The following DNAJC22 variants were observed in gnomAD, a reference collection of about 807,000 sequenced individuals.
The protein encoded by DNAJC22 is DnaJ heat shock protein family (Hsp40) member C22.
Under a neutral mutation model 22.2 loss-of-function variants are expected in DNAJC22, and 24 were observed. The observed-to-expected ratio is 1.08, with a 90% CI of 0.78 to 1.52. The LOEUF (loss-of-function observed/expected upper bound fraction) is 1.52. Among genes scored for constraint, DNAJC22 ranks in the 40% most tolerant of loss-of-function variants. The pLI, the probability that DNAJC22 is intolerant of heterozygous loss-of-function variation, is 0.00. For synonymous variants in DNAJC22, 160 were observed against 167.4 expected (o/e 0.96, Z 0.34); for missense variants, 434 against 421.7 (o/e 1.03, Z -0.26).
Position 49,349,212 on chromosome 12 carries a change from GT to G in DNAJC22, c.342del (p.Gly115AlafsTer2). 1 of 1,614,174 alleles carries G rather than the reference GT, an allele frequency of 6.2e-7. No individual in the cohort carries two copies. Among genetic ancestry groups the G allele is most frequent in the Non-Finnish European group, 8.5e-7 (1 of 1,180,020 alleles). ...NFYIVALPLA[V>X]GLGVLLVAAV... ...CTATATTGTGGCCCTCCCACTGGCA[GT>G]TGGCTTAGGGGTCTTGCTGGTGGCT... is the stretch of plus-strand genomic sequence containing the variant. On this transcript the variant is annotated frameshift_variant, in exon 3 of 4. Transcript: ENST00000549441. LOFTEE classifies it high-confidence loss of function.
rs1404645356 is a variant in DNAJC22 at position 49,351,605 on chromosome 12, CTGCT to C, written c.*107_*110del. On this transcript the variant is annotated 3_prime_UTR_variant, in exon 4 of 4. Transcript: ENST00000549441. ...TGGCATCCCAACAGAGTTAAAGAAA[CTGCT>C]TGCAGGGGCTGGGCGTGGTGGCTCA... 3.8e-6 allele frequency: 5 copies of C among 1,302,370 alleles called. No homozygotes were observed. Among genetic ancestry groups the C allele is most frequent in the Non-Finnish European group, 4.1e-6 (4 of 982,492 alleles). 80.7% of individuals were successfully genotyped at this position (1,302,370 alleles called of 1,614,324 possible).
At position 49,351,908 on chromosome 12, in the gene DNAJC22, A is replaced by C. The variant is rs1943790645; in HGVS notation, c.*406A>C. 1 of 152,054 alleles carries C rather than the reference A, an allele frequency of 6.6e-6. No individual in the cohort carries two copies. Among genetic ancestry groups the C allele is most frequent in the African/African-American group, 2.4e-5 (1 of 41,158 alleles). The allele number at this position is 152,054 out of a possible 1,614,324, so 9.4% of individuals were successfully genotyped here. On this transcript the variant is annotated 3_prime_UTR_variant, in exon 4 of 4. Transcript: ENST00000549441. ...AGAGTGAAACTCCGTCTCAAAAAAA[A>C]AAAAAAGAAAGAAAAACTGCTTGCA...
At chr12:49,350,497 T>C (rs1162118225) in intron 3 of DNAJC22, among the ~76,000 whole-genome samples, 1 of 145,332 alleles carries the variant, frequency 6.9e-6, no homozygotes. Context: ...CTTGATTCTT[T>C]TTTTTTTTTT....
chr12:49,349,717 G>A lies in DNAJC22; in HGVS notation c.840+5G>A. 6.2e-7 allele frequency: 1 copy of A among 1,614,162 alleles called. No homozygotes were observed. The highest frequency in any genetic ancestry group is 8.5e-7 in the Non-Finnish European group (1 of 1,180,042). On this transcript the variant is annotated splice_donor_5th_base_variant and intron_variant, in intron 3 of 3. Coordinates refer to ENST00000549441, the MANE Select transcript of DNAJC22 (RefSeq NM_001304944.2). ...AAGCGTCAGCTGGCTTACCAGGTAA[G>A]GCTTTCTTCCCTCAGTCCTGTCCGG...
rs200493159 is a variant in DNAJC22, at chr12:49,348,843, G to A, written c.-30G>A. ...CGAGACTTCTGTGCTGCGAGTAACCGGACTTGTTCTGAGACCTTTGCCCTA... is the reference window on the plus strand; with the variant it reads ...CGAGACTTCTGTGCTGCGAGTAACCAGACTTGTTCTGAGACCTTTGCCCTA... On this transcript the variant is annotated 5_prime_UTR_variant, in exon 3 of 4. Transcript: ENST00000549441. 52 of 1,454,708 alleles carry A rather than the reference G, an allele frequency of 3.6e-5. No homozygotes were observed. Among genetic ancestry groups the A allele is most frequent in the African/African-American group, 5.7e-5 (4 of 70,044 alleles). The allele number at this position is 1,454,708 out of a possible 1,614,324, so 90.1% of individuals were successfully genotyped here. A position where few individuals can be genotyped will look rare whatever the true frequency, so the allele number is the denominator to read the frequency against.
Position 49,349,299 on chromosome 12 carries a change from C to T in DNAJC22, c.427C>T (p.Pro143Ser). 2 of 1,614,094 alleles carry T rather than the reference C, an allele frequency of 1.2e-6. No individual in the cohort carries two copies. The highest frequency in any genetic ancestry group is 1.1e-5 in the South Asian group (1 of 91,082). ...NTLGSAFLTSPIFYGRPIAIL... is the reference protein window; with the variant it reads ...NTLGSAFLTSSIFYGRPIAIL... ...TCTGGGGTCAGCATTTCTCACTTCA[C>T]CTATCTTCTATGGCCGCCCCATAGC... The change falls in exon 3 of 4, where the codon CCT becomes TCT. Residue 143 changes from proline to serine, a missense_variant. Physicochemically the swap from Pro to Ser is moderately conservative, Grantham distance 74 (BLOSUM62 -1). Coordinates refer to ENST00000549441, the MANE Select transcript of DNAJC22 (RefSeq NM_001304944.2).
chr12:49,351,432 A>G lies in DNAJC22; in HGVS notation c.956A>G (p.His319Arg), dbSNP rs1256090806. 3 of 1,606,684 alleles carry G rather than the reference A, an allele frequency of 1.9e-6. No homozygotes were observed. Among genetic ancestry groups the G allele is most frequent in the Admixed American group, 3.4e-5 (2 of 58,536 alleles). Residue 319 changes from histidine to arginine, a missense_variant, in exon 4 of 4, where the codon CAC becomes CGC. Transcript: ENST00000549441. Reference protein sequence around the residue: ...NLDQTEEAQRHFLEIQAAYEV... With the variant: ...NLDQTEEAQRRFLEIQAAYEV... ...GACCAGACAGAGGAGGCACAGAGGC[A>G]CTTCCTGGAGATCCAGGCTGCGTAT...
rs1310303606 is a variant in DNAJC22, at chr12:49,349,104, C to T, written c.232C>T (p.Pro78Ser). 6.2e-7 allele frequency: 1 copy of T among 1,614,148 alleles called. No individual in the cohort carries two copies. The highest frequency in any genetic ancestry group is 8.5e-7 in the Non-Finnish European group (1 of 1,180,022). Reference protein sequence around the residue: ...SPRGVTPPLSPIRFAAQVIVG... With the variant: ...SPRGVTPPLSSIRFAAQVIVG... ...CAGAGGGGTGACACCCCCTCTGAGT[C>T]CCATTCGCTTTGCTGCCCAGGTGAT... is the stretch of plus-strand genomic sequence containing the variant. The change falls in exon 3 of 4, where the codon CCC (proline) becomes TCC (serine). Residue 78 changes from proline (P) to serine (S), a missense_variant. Coordinates refer to ENST00000549441, the MANE Select transcript of DNAJC22 (RefSeq NM_001304944.2).
chr12:49,349,321 T>G lies in DNAJC22; in HGVS notation c.449T>G (p.Ile150Arg), dbSNP rs1943744883. The G allele has an allele frequency of 6.2e-7, 1 of 1,613,146 alleles. No homozygotes were observed. Among genetic ancestry groups the G allele is most frequent in the South Asian group, 1.1e-5 (1 of 90,944 alleles). Residue 150 changes from isoleucine to arginine, a missense_variant, in exon 3 of 4, where the codon ATA becomes AGA. By Grantham distance (97) the Ile-to-Arg change is moderately conservative. Coordinates refer to ENST00000549441, the MANE Select transcript of DNAJC22 (RefSeq NM_001304944.2). ...TCACCTATCTTCTATGGCCGCCCCATAGCCATACTGCCCATTAGCGTGGCC... is the reference window on the plus strand; with the variant it reads ...TCACCTATCTTCTATGGCCGCCCCAGAGCCATACTGCCCATTAGCGTGGCC... ...LTSPIFYGRPIAILPISVAAS... is the reference protein window; with the variant it reads ...LTSPIFYGRPRAILPISVAAS...
Position 49,351,409 on chromosome 12 carries a change from CCAGA to C in DNAJC22, c.938_941del (p.Thr313ArgfsTer17). Reference sequence around the variant, plus strand: ...TCTGGCACCCAGACCACAACCTGGACCAGACAGAGGAGGCACAGAGGCACTTCCT... The same window carrying C: ...TCTGGCACCCAGACCACAACCTGGACCAGAGGAGGCACAGAGGCACTTCCT... On this transcript the variant is annotated frameshift_variant, in exon 4 of 4. Coordinates refer to ENST00000549441, the MANE Select transcript of DNAJC22 (RefSeq NM_001304944.2). LOFTEE classifies it high-confidence loss of function. 1 of 1,612,460 alleles carries C rather than the reference CCAGA, an allele frequency of 6.2e-7. No individual in the cohort carries two copies. The highest frequency in any genetic ancestry group is 8.5e-7 in the Non-Finnish European group (1 of 1,179,258).
In DNAJC22 at chr12:49,351,481, GCCCTGGGGAT is replaced by G; in HGVS notation, c.1009_1018del (p.Trp337GlyfsTer11). The G allele has an allele frequency of 6.4e-7, 1 of 1,555,680 alleles. No homozygotes were observed. On this transcript the variant is annotated frameshift_variant, in exon 4 of 4. Coordinates refer to ENST00000549441, the MANE Select transcript of DNAJC22 (RefSeq NM_001304944.2). LOFTEE classifies it high-confidence loss of function. Reference sequence around the variant, plus strand: ...ATGAAGTCCTGAGTCAACCCAGGAAGCCCTGGGGATCCCGGAGGTGAAAAGAAACTTCCCC... The same window carrying G: ...ATGAAGTCCTGAGTCAACCCAGGAAGCCCGGAGGTGAAAAGAAACTTCCCC...
At position 49,347,704 on chromosome 12, in the gene DNAJC22, T is replaced by C. The variant is rs1425887793; in HGVS notation, c.-509T>C. The C allele has an allele frequency of 6.6e-6, 1 of 152,318 alleles. No individual in the cohort carries two copies. The highest frequency in any genetic ancestry group is 1.5e-5 in the Non-Finnish European group (1 of 68,086). 9.4% of individuals were successfully genotyped at this position (152,318 alleles called of 1,614,324 possible). On this transcript the variant is annotated 5_prime_UTR_variant, in exon 2 of 4. Transcript: ENST00000549441. ...CAGCCCCTCCATAGGGGCAGTCCTG[T>C]GCTGCTGTGCCTCGGTACCCGCACA...
At position 49,349,668 on chromosome 12, in the gene DNAJC22, T is replaced by A. The variant is rs1424266210; in HGVS notation, c.796T>A (p.Phe266Ile). The change falls in exon 3 of 4, where the codon TTT becomes ATT. Residue 266 changes from phenylalanine (F) to isoleucine (I), a missense_variant. Physicochemically the swap from Phe to Ile is conservative, Grantham distance 21 (BLOSUM62 0). Transcript: ENST00000549441. ...TCAGGAGTGGGCGAAGCTCTATGAG[T>A]TTGTTCACAGTTTTCAGGATGAGAA... ...CFQEWAKLYE[F>I]VHSFQDEKRQ... is the part of the protein sequence containing the mutation. The A allele has an allele frequency of 1.2e-6, 2 of 1,614,056 alleles. No individual in the cohort carries two copies. The highest frequency in any genetic ancestry group is 1.7e-5 in the Admixed American group (1 of 60,004).
rs1269284002 is a variant in DNAJC22, at chr12:49,351,664, G to A, written c.*162G>A. On this transcript the variant is annotated 3_prime_UTR_variant, in exon 4 of 4. Transcript: ENST00000549441. ...TGTAATCCCAGCACTTTGGGAGGCC[G>A]AGGCGGGCAGATCACGAGGTCAGGA... is the stretch of plus-strand genomic sequence containing the variant. 11 of 608,724 alleles carry A rather than the reference G, an allele frequency of 1.8e-5. No individual in the cohort carries two copies. The highest frequency in any genetic ancestry group is 4.0e-5 in the Admixed American group (1 of 24,936). 37.7% of individuals were successfully genotyped at this position (608,724 alleles called of 1,614,324 possible). A position where few individuals can be genotyped will look rare whatever the true frequency, so the allele number is the denominator to read the frequency against.
At chr12:49,351,224 A>T in intron 3 of DNAJC22, 93 bp from the exon 4 acceptor site, 1 of 1,585,798 alleles carries the variant, frequency 6.3e-7, no homozygotes, top group Non-Finnish European at 8.5e-7. Context: ...AATTCTAGAG[A>T]TATGATAGCC....
intron 3 of DNAJC22, chr12:49,351,078 T>G: frequency 2.1e-3 from 1,818 of 845,846 alleles, no homozygotes; most frequent in Middle Eastern, 2.4e-3. Flanking sequence ...GCTCTTGCCA[T>G]GAGATCTAGA....
Position 49,353,059 on chromosome 12 carries a change from G to A in DNAJC22, c.*1557G>A, listed in dbSNP as rs955227766. The A allele has an allele frequency of 2.6e-5, 4 of 152,182 alleles. No individual in the cohort carries two copies. The highest frequency in any genetic ancestry group is 9.7e-5 in the African/African-American group (4 of 41,434). 9.4% of individuals were successfully genotyped at this position (152,182 alleles called of 1,614,324 possible). On this transcript the variant is annotated 3_prime_UTR_variant, in exon 4 of 4. Coordinates refer to ENST00000549441, the MANE Select transcript of DNAJC22 (RefSeq NM_001304944.2). ...GGGACAGATAACATTGTTTTATGGGGACTCAGAAAGATTCATTATTTTATA... is the reference window on the plus strand; with the variant it reads ...GGGACAGATAACATTGTTTTATGGGAACTCAGAAAGATTCATTATTTTATA...
chr12:49,351,017 T>C (rs1943776898), intron 3 of DNAJC22: 1 of 274,356 alleles, frequency 3.6e-6, no homozygotes, highest in African/African-American at 2.3e-5. Context: ...GGAAGAGATC[T>C]TGCCAGGGAT....
At position 49,347,540 on chromosome 12, in the gene DNAJC22, G is replaced by T. The variant is rs1447211101; in HGVS notation, c.-581G>T. ...GTCAACGGAGCGTGAAGAGAGGAGC[G>T]TGCAGCTTGAGGTGAGGGAGGAGTC... On this transcript the variant is annotated 5_prime_UTR_variant, in exon 1 of 4. Transcript: ENST00000549441. The T allele has an allele frequency of 6.6e-6, 1 of 152,414 alleles. No homozygotes were observed. Among genetic ancestry groups the T allele is most frequent in the Non-Finnish European group, 1.5e-5 (1 of 68,146 alleles). 9.4% of individuals were successfully genotyped at this position (152,414 alleles called of 1,614,324 possible).
Sources: gnomAD v4.1 joint callset for allele counts (sites outside exome capture counted in the v4.1 genomes callset) on GRCh38, gnomAD v4.1.1 for gene constraint, MANE v1.5 for transcripts, NCBI Gene and HGNC (gene_info 2026-07-23, HGNC 2026-07-21) for gene names.